Variants in DLG2 observed in about 807,000 individuals in gnomAD.
DLG2 encodes the protein discs large MAGUK scaffold protein 2.
Under a neutral mutation model 132.5 loss-of-function variants are expected in DLG2, and 45 were observed. The ratio of observed to expected loss-of-function variants is 0.34; its 90% CI spans 0.27 to 0.44. The LOEUF is 0.44. Ranked by LOEUF, DLG2 falls within the 20% of genes least tolerant of loss-of-function variation. DLG2 has a pLI of 1.00. For missense variants in DLG2, 1,045 were observed against 1,196.9 expected (o/e 0.87, Z 1.87); for synonymous variants, 424 against 419.6 (o/e 1.01, Z -0.13).
At chr11:83,589,475 G>C (rs1593942726) in intron 19 of DLG2, among the ~76,000 whole-genome samples, 1 of 151,950 alleles carries the variant, frequency 6.6e-6, no homozygotes, top group East Asian at 1.9e-4. Flanking sequence ...TGCCCTAAAA[G>C]AGCTCCTGAA....
At chr11:84,971,167 T>G (rs1329187203) in intron 6 of DLG2, among the ~76,000 whole-genome samples, 7 of 152,204 alleles carry the variant, frequency 4.6e-5, no homozygotes, top group Non-Finnish European at 7.4e-5. Context: ...TCATTCCCAA[T>G]GTTTGCCACT....
chr11:84,236,935 G>GTTT (rs59927214), intron 8 of DLG2, among the ~76,000 whole-genome samples: 1 of 136,864 alleles, frequency 7.3e-6, no homozygotes, highest in African/African-American at 2.7e-5. Context: ...TTTTTTTTTT[G>GTTT]TTTTTTTTTT....
At chr11:84,596,198 C>G (rs1191264752) in intron 6 of DLG2, among the ~76,000 whole-genome samples, 1 of 150,756 alleles carries the variant, frequency 6.6e-6, no homozygotes, top group East Asian at 1.9e-4. Context: ...CTGTCTCTCT[C>G]TCTCTCTCTC....
intron 3 of DLG2, among the ~76,000 whole-genome samples, chr11:85,576,785 A>G (rs2078182877): frequency 6.6e-6 from 1 of 152,196 alleles, no homozygotes; most frequent in South Asian, 2.1e-4. Context: ...ATAAATATAT[A>G]TGTTGATAAG....
intron 4 of DLG2, among the ~76,000 whole-genome samples, chr11:85,192,054 G>C (rs993557715): frequency 1.3e-5 from 2 of 152,156 alleles, no homozygotes; most frequent in African/African-American, 4.8e-5. Context: ...AGTTGAACTG[G>C]AATCAAAATG....
At chr11:85,565,926 C>G (rs1305999359) in intron 3 of DLG2, among the ~76,000 whole-genome samples, 1 of 152,076 alleles carries the variant, frequency 6.6e-6, no homozygotes, top group Non-Finnish European at 1.5e-5. Context: ...TGAGAAACTG[C>G]CACACAGTTT....
intron 6 of DLG2, among the ~76,000 whole-genome samples, chr11:84,782,231 T>C (rs2153911567): frequency 6.6e-6 from 1 of 152,144 alleles, no homozygotes; most frequent in East Asian, 1.9e-4. Context: ...AAAGACAAAC[T>C]TTTGAGAGGA....
At chr11:84,988,388 G>C (rs746498340) in intron 6 of DLG2, among the ~76,000 whole-genome samples, 2 of 152,104 alleles carry the variant, frequency 1.3e-5, no homozygotes, top group South Asian at 4.1e-4. Flanking sequence ...AAAAGAAGTC[G>C]TTATATGAAA....
intron 7 of DLG2, among the ~76,000 whole-genome samples, chr11:84,306,092 T>A (rs1369812814): frequency 1.3e-5 from 2 of 152,256 alleles, no homozygotes; most frequent in African/African-American, 4.8e-5. Flanking sequence ...TTAATGATAA[T>A]GTTTTGTATA....
chr11:84,800,765 GAA>G (rs1023840586), intron 6 of DLG2: 18 of 152,090 alleles, frequency 1.2e-4, no homozygotes, highest in African/African-American at 4.3e-4. Context: ...ATTAAGCCAA[GAA>G]AAAAGTTAGA....
intron 17 of DLG2, among the ~76,000 whole-genome samples, chr11:83,817,884 A>G (rs1241158745): frequency 3.9e-5 from 6 of 152,206 alleles, no homozygotes; most frequent in Admixed American, 3.9e-4. Context: ...TAAAAAATAA[A>G]TAAATAAAAT....
At chr11:84,044,325 A>C (rs2096187065) in intron 11 of DLG2, among the ~76,000 whole-genome samples, 1 of 151,796 alleles carries the variant, frequency 6.6e-6, no homozygotes, top group Non-Finnish European at 1.5e-5. Context: ...GCATTCTTAC[A>C]GAGTTACTAA....
intron 4 of DLG2, among the ~76,000 whole-genome samples, chr11:85,265,766 A>G (rs774135052): frequency 2.2e-4 from 33 of 152,168 alleles, no homozygotes; most frequent in Admixed American, 3.3e-4. Context: ...GCCAGTAGAG[A>G]GAAGTAGCTG....
At chr11:85,584,338 TGGTGTGTGTG>T (rs1453550873) in intron 3 of DLG2, among the ~76,000 whole-genome samples, 2 of 107,998 alleles carry the variant, frequency 1.9e-5, no homozygotes, top group Non-Finnish European at 3.8e-5. Flanking sequence ...TAGTATTCCA[TGGTGTGTGTG>T]TGTGTGTGTG....
chr11:84,809,006 G>A (rs1180398215), intron 6 of DLG2, among the ~76,000 whole-genome samples: 1 of 151,754 alleles, frequency 6.6e-6, no homozygotes, highest in Non-Finnish European at 1.5e-5. Flanking sequence ...AAAACTACAG[G>A]TCAATATCCC....
At chr11:84,339,044 T>C (rs982470322) in intron 7 of DLG2, among the ~76,000 whole-genome samples, 1 of 152,180 alleles carries the variant, frequency 6.6e-6, no homozygotes, top group African/African-American at 2.4e-5. Context: ...TTTCATTAAA[T>C]ATTCAAGAGC....
At chr11:83,781,720 T>C (rs2094836742) in intron 18 of DLG2, among the ~76,000 whole-genome samples, 1 of 152,226 alleles carries the variant, frequency 6.6e-6, no homozygotes, top group Admixed American at 6.5e-5. Context: ...AGGGACCACT[T>C]GGCTCTTAAC....
chr11:85,444,272 G>A (rs2153034271), intron 3 of DLG2, among the ~76,000 whole-genome samples: 1 of 152,242 alleles, frequency 6.6e-6, no homozygotes, highest in East Asian at 1.9e-4. Context: ...TACTGAAATG[G>A]AATGAACAGG....
chr11:85,021,509 G>C (rs1290702619), intron 6 of DLG2: 1 of 1,513,172 alleles, frequency 6.6e-7, no homozygotes, highest in Admixed American at 1.7e-5. Flanking sequence ...AAGCCGTTAT[G>C]AACAGAGGAG....
Sources: gnomAD v4.1 joint callset for allele counts (sites outside exome capture counted in the v4.1 genomes callset) on GRCh38, gnomAD v4.1.1 for gene constraint, MANE v1.5 for transcripts, NCBI Gene and HGNC (gene_info 2026-07-23, HGNC 2026-07-21) for gene names.